Variants in SNURF observed in about 807,000 individuals in gnomAD.
SNURF encodes the protein SNRPN upstream open reading frame.
A neutral mutation model predicts 11.6 loss-of-function variants in SNURF; 6 were observed. That is an observed-to-expected ratio of 0.52 (90% CI 0.28 to 1.02). The LOEUF (loss-of-function observed/expected upper bound fraction) is 1.02. SNURF is among the 50% of genes least tolerant of loss of function. The pLI is 0.09. For missense variants in SNURF, 84 were observed against 88.4 expected (o/e 0.95, Z 0.20); for synonymous variants, 29 against 31.6 (o/e 0.92, Z 0.27).
At chr15:24,963,488 G>T (rs1259447015) in intron 2 of SNURF, among the ~76,000 whole-genome samples, 1 of 151,960 alleles carries the variant, frequency 6.6e-6, no homozygotes, top group Non-Finnish European at 1.5e-5. Flanking sequence ...GGTGGCACGT[G>T]CCTGTAATCC....
intron 2 of SNURF, among the ~76,000 whole-genome samples, chr15:24,964,217 T>G (rs2075287804): frequency 6.6e-6 from 1 of 152,208 alleles, no homozygotes; most frequent in South Asian, 2.1e-4. Context: ...GTTTGTATAT[T>G]GGTAAATATT....
downstream of SNURF, among the ~76,000 whole-genome samples, chr15:24,969,900 C>T (rs765239543): frequency 6.6e-6 from 1 of 152,132 alleles, no homozygotes; most frequent in Non-Finnish European, 1.5e-5. Flanking sequence ...CACATTGGTG[C>T]TACGGTGGTG....
intron 3 of SNURF, chr15:24,974,396 A>G: frequency 6.4e-7 from 1 of 1,555,696 alleles, no homozygotes; most frequent in Non-Finnish European, 8.9e-7. Context: ...GCCTTCCCCT[A>G]GGTCTTCAGA....
rs749060545 is a variant in SNURF, at chr15:24,968,039, G to A, written c.*2G>A. 6.8e-6 allele frequency: 11 copies of A among 1,613,760 alleles called. No individual in the cohort carries two copies. In the South Asian group the frequency reaches 1.1e-4, roughly 16 times the overall value. ...GCTGAGACACCAAGAGGTGGTTAAA[G>A]CCATATTGGAGTAGCGAGGAATCTG... On this transcript the variant is annotated 3_prime_UTR_variant, in exon 3 of 3. Transcript: ENST00000577949.
downstream of SNURF, chr15:24,978,658 A>G (rs1566980296): frequency 3.4e-6 from 2 of 589,568 alleles, no homozygotes; most frequent in Non-Finnish European, 6.0e-6. Context: ...GGTGATGCCT[A>G]TTAAGCAGTT....
At chr15:24,973,810 C>T (rs1025707218), downstream of SNURF, among the ~76,000 whole-genome samples, 1 of 152,132 alleles carries the variant, frequency 6.6e-6, no homozygotes, top group Non-Finnish European at 1.5e-5. Flanking sequence ...CATGGGAAGT[C>T]TTAGGCAGGT....
chr15:24,975,610 G>A (rs1047503782), intron 4 of SNURF: 29 of 936,214 alleles, frequency 3.1e-5, no homozygotes, highest in Non-Finnish European at 4.8e-5. Context: ...AAGTAGTTAG[G>A]GAAACTATGG....
chr15:24,960,916 A>G (rs2074687814), intron 1 of SNURF, among the ~76,000 whole-genome samples: 2 of 152,166 alleles, frequency 1.3e-5, no homozygotes, highest in South Asian at 4.1e-4. Flanking sequence ...TGTGTCTGTC[A>G]CCTGAAAAAG....
At chr15:24,959,076 T>C (rs2074355828) in intron 1 of SNURF, among the ~76,000 whole-genome samples, 1 of 152,232 alleles carries the variant, frequency 6.6e-6, no homozygotes, top group Non-Finnish European at 1.5e-5. Context: ...ATTTAGGCCG[T>C]AATAAAATTG....
chr15:24,965,670 T>C (rs560403473), intron 2 of SNURF, among the ~76,000 whole-genome samples: 6 of 152,284 alleles, frequency 3.9e-5, no homozygotes, highest in Non-Finnish European at 5.9e-5. Context: ...AAATTGGAAA[T>C]TGGAGCTGGA....
At chr15:24,972,698 T>C (rs2076577469), downstream of SNURF, among the ~76,000 whole-genome samples, 1 of 152,108 alleles carries the variant, frequency 6.6e-6, no homozygotes, top group Non-Finnish European at 1.5e-5. Context: ...CAAGACCCTT[T>C]ACAATTCTGG....
chr15:24,959,886 C>A (rs919625398), intron 1 of SNURF, among the ~76,000 whole-genome samples: 1 of 152,064 alleles, frequency 6.6e-6, no homozygotes, highest in Non-Finnish European at 1.5e-5. Context: ...TTTACTTAGC[C>A]CTCGTATATG....
At chr15:24,969,348 CA>C (rs1284570705), downstream of SNURF, among the ~76,000 whole-genome samples, 1 of 151,822 alleles carries the variant, frequency 6.6e-6, no homozygotes, top group Non-Finnish European at 1.5e-5. Context: ...AGGCTGGTCT[CA>C]AACTCCTGAA....
At chr15:24,973,714 T>G (rs1400182662), downstream of SNURF, among the ~76,000 whole-genome samples, 1 of 152,226 alleles carries the variant, frequency 6.6e-6, no homozygotes, top group Non-Finnish European at 1.5e-5. Flanking sequence ...ACGTGATTTA[T>G]AACTTTGTCC....
chr15:24,962,156 A>G (rs1257439066), exon 2 of SNURF: 3 of 1,614,072 alleles, frequency 1.9e-6, no homozygotes, highest in East Asian at 2.2e-5. Context: ...AGCACGTACC[A>G]GAGGTGGAAG....
At chr15:24,960,615 A>G (rs1373907140) in intron 1 of SNURF, among the ~76,000 whole-genome samples, 1 of 152,008 alleles carries the variant, frequency 6.6e-6, no homozygotes, top group Non-Finnish European at 1.5e-5. Context: ...TGGGATTTTG[A>G]TTTGCATTTT....
chr15:24,965,997 A>G (rs1398680650), intron 2 of SNURF, among the ~76,000 whole-genome samples: 1 of 152,198 alleles, frequency 6.6e-6, no homozygotes, highest in Non-Finnish European at 1.5e-5. Context: ...TGATTAGACT[A>G]TGAATTAGAG....
intron 3 of SNURF, chr15:24,974,501 C>T: frequency 6.3e-7 from 1 of 1,598,084 alleles, no homozygotes; most frequent in Non-Finnish European, 8.6e-7. Context: ...GCTGTAAGGG[C>T]CGAAAGAAAT....
intron 2 of SNURF, among the ~76,000 whole-genome samples, chr15:24,965,265 C>T (rs220033): frequency 0.14 from 20,549 of 152,112 alleles, 2,484 homozygotes; most frequent in African/African-American, 0.33. Context: ...AGGCTGGGTG[C>T]GGTGGCTCAC....
Sources: gnomAD v4.1 joint callset for allele counts (sites outside exome capture counted in the v4.1 genomes callset) on GRCh38, gnomAD v4.1.1 for gene constraint, MANE v1.5 for transcripts, NCBI Gene and HGNC (gene_info 2026-07-23, HGNC 2026-07-21) for gene names.